The following DCC variants were observed in gnomAD, a reference collection of about 807,000 sequenced individuals.
The protein encoded by DCC is DCC netrin 1 receptor.
Under a neutral mutation model 172.5 loss-of-function variants are expected in DCC, and 58 were observed. The ratio of observed to expected loss-of-function variants is 0.34; its 90% CI spans 0.27 to 0.42. The LOEUF (loss-of-function observed/expected upper bound fraction) is 0.42, where lower values mean the gene tolerates loss of function less well. Among genes scored for constraint, DCC ranks in the 10% least tolerant of loss-of-function variants. DCC has a pLI of 1.00. For missense variants in DCC, 1,740 were observed against 1,791.0 expected, an observed-to-expected ratio of 0.97 and a Z score of 0.51; for synonymous variants, 709 against 644.5, an observed-to-expected ratio of 1.10 and a Z score of -1.52.
intron 3 of DCC, 117 bp from the exon 4 acceptor site, chr18:52,923,590 T>C: frequency 1.2e-6 from 1 of 815,718 alleles, no homozygotes; most frequent in Non-Finnish European, 2.1e-6. Flanking sequence ...GTTTACAAAT[T>C]TCATTGGCAT....
At chr18:53,303,010 C>T (rs1316648289) in intron 12 of DCC, among the ~76,000 whole-genome samples, 1 of 152,076 alleles carries the variant, frequency 6.6e-6, no homozygotes, top group African/African-American at 2.4e-5. Context: ...TCAAGTATTC[C>T]AGTTTTGTAA....
At chr18:52,418,848 T>G (rs902633699) in intron 1 of DCC, among the ~76,000 whole-genome samples, 2 of 124,980 alleles carry the variant, frequency 1.6e-5, no homozygotes, top group Admixed American at 1.0e-4. Context: ...TTTTCTTTCT[T>G]TCTTTCTTTC....
At chr18:52,755,131 C>T (rs2037058542) in intron 2 of DCC, among the ~76,000 whole-genome samples, 1 of 152,186 alleles carries the variant, frequency 6.6e-6, no homozygotes, top group Non-Finnish European at 1.5e-5. Context: ...GGAAAGGGGA[C>T]AATTTGACTT....
intron 1 of DCC, among the ~76,000 whole-genome samples, chr18:52,400,000 A>T (rs1475081418): frequency 6.6e-6 from 1 of 152,036 alleles, no homozygotes; most frequent in Middle Eastern, 3.2e-3. Context: ...ATGGATAATA[A>T]ATAAATACAA....
intron 2 of DCC, among the ~76,000 whole-genome samples, chr18:52,903,742 C>T (rs754602458): frequency 3.9e-5 from 6 of 152,142 alleles, no homozygotes; most frequent in Admixed American, 2.0e-4. Context: ...CAAATTTGTG[C>T]GAAACTCATT....
chr18:52,631,428 C>T (rs926997616), intron 1 of DCC, among the ~76,000 whole-genome samples: 5 of 152,208 alleles, frequency 3.3e-5, no homozygotes, highest in African/African-American at 1.2e-4. Flanking sequence ...CCTTGCACTG[C>T]CAGTGGTTCT....
chr18:52,725,647 A>G (rs1039149268), intron 1 of DCC, among the ~76,000 whole-genome samples: 10 of 152,284 alleles, frequency 6.6e-5, no homozygotes, highest in South Asian at 6.2e-4. Flanking sequence ...TATGCGACTC[A>G]TGGGAGAGGG....
chr18:52,670,131 C>A (rs185898769), intron 1 of DCC, among the ~76,000 whole-genome samples: 1 of 152,190 alleles, frequency 6.6e-6, no homozygotes, highest in Admixed American at 6.5e-5. Flanking sequence ...GATGACGCAA[C>A]CTCTGTTACC....
Position 53,020,521 on chromosome 18 carries a change from A to G in DCC, c.986-42784A>G, listed in dbSNP as rs114080868. On this transcript the variant is annotated intron_variant, in intron 5 of 28. Transcript: ENST00000442544. Reference sequence around the variant, plus strand: ...TTCAGAACCAGCAATAATCCAAACGAAAAAGGTCTCATACTGTATTTCCTA... The same window carrying G: ...TTCAGAACCAGCAATAATCCAAACGGAAAAGGTCTCATACTGTATTTCCTA... Among the ~76,000 whole-genome samples the G allele has an allele frequency of 5.7e-3, 873 of 152,290 alleles. 8 individuals carry two copies. The highest frequency in any genetic ancestry group is 0.02 in the African/African-American group (848 of 41,558).
At chr18:53,327,817 T>A (rs1451415618) in intron 14 of DCC, among the ~76,000 whole-genome samples, 15 of 152,086 alleles carry the variant, frequency 9.9e-5, no homozygotes, top group Non-Finnish European at 4.4e-5. Context: ...CACAGAGGAG[T>A]GAAGGTGGCA....
intron 12 of DCC, among the ~76,000 whole-genome samples, chr18:53,216,333 A>T (rs1001448340): frequency 7.2e-5 from 11 of 152,318 alleles, no homozygotes; most frequent in South Asian, 4.1e-4. Context: ...TTGGACCTCC[A>T]GTTAGGTACT....
chr18:53,131,695 T>C (rs555908150), intron 7 of DCC, among the ~76,000 whole-genome samples: 21 of 152,198 alleles, frequency 1.4e-4, no homozygotes, highest in African/African-American at 5.1e-4. Context: ...CAAGGTTACT[T>C]TGGTAGAAAA....
chr18:53,359,747 T>A (rs1311928920), intron 15 of DCC, among the ~76,000 whole-genome samples: 1 of 152,196 alleles, frequency 6.6e-6, no homozygotes, highest in African/African-American at 2.4e-5. Context: ...CCTCTTGGTC[T>A]CTTTCTTTAA....
At chr18:53,290,091 G>A (rs2056983540) in intron 12 of DCC, among the ~76,000 whole-genome samples, 1 of 152,132 alleles carries the variant, frequency 6.6e-6, no homozygotes, top group Admixed American at 6.5e-5. Context: ...TTTTAATCCA[G>A]CAATTCTATT....
rs567398859 is a variant in DCC, at chr18:52,586,340, A to G, written c.92-165714A>G. ...CAGTAGAGGATGACAATAGGCTTAA[A>G]TTTCATATAGTTGCCCCTGTATTCC... On this transcript the variant is annotated intron_variant, in intron 1 of 28. Transcript: ENST00000442544. Among the ~76,000 whole-genome samples, 6 of 152,222 alleles carry G rather than the reference A, an allele frequency of 3.9e-5. No individual in the cohort carries two copies. The South Asian group carries it at 1.2e-3, about 32-fold the overall frequency.
intron 5 of DCC, among the ~76,000 whole-genome samples, chr18:52,935,190 A>G (rs1365032964): frequency 8.0e-6 from 1 of 125,544 alleles, no homozygotes. Context: ...TCCCATTTAC[A>G]ATAGCAGTGG....
intron 12 of DCC, among the ~76,000 whole-genome samples, chr18:53,230,512 AT>A (rs1191284677): frequency 6.6e-6 from 1 of 151,936 alleles, no homozygotes; most frequent in African/African-American, 2.4e-5. Flanking sequence ...CATGAATTTA[AT>A]TTTCTTGATT....
intron 1 of DCC, among the ~76,000 whole-genome samples, chr18:52,416,128 G>T (rs574690430): frequency 3.9e-5 from 6 of 152,018 alleles, no homozygotes; most frequent in Non-Finnish European, 8.8e-5. Flanking sequence ...ATTTTGTTAT[G>T]TACTCAATAG....
chr18:53,132,544 G>T (rs4530205), intron 7 of DCC, among the ~76,000 whole-genome samples: 2 of 151,962 alleles, frequency 1.3e-5, no homozygotes, highest in African/African-American at 4.8e-5. Flanking sequence ...AGATTATAAA[G>T]GTCAAAGATG....
Sources: gnomAD v4.1 joint callset for allele counts (sites outside exome capture counted in the v4.1 genomes callset) on GRCh38, gnomAD v4.1.1 for gene constraint, MANE v1.5 for transcripts, NCBI Gene and HGNC (gene_info 2026-07-23, HGNC 2026-07-21) for gene names.